Variants in PARD3B observed in about 807,000 individuals in gnomAD.
PARD3B encodes the protein par-3 family cell polarity regulator beta, also known as partitioning defective 3 homolog B.
A neutral mutation model predicts 130.2 loss-of-function variants in PARD3B; 103 were observed. That is an observed-to-expected ratio of 0.79 (90% CI 0.67 to 0.93). The LOEUF (loss-of-function observed/expected upper bound fraction) is 0.93, where lower values mean the gene tolerates loss of function less well. PARD3B is among the 40% of genes least tolerant of loss of function. The pLI, the probability that PARD3B is intolerant of heterozygous loss-of-function variation, is 0.00. For synonymous variants in PARD3B, 583 were observed against 553.2 expected (o/e 1.05, Z -0.76); for missense variants, 1,609 against 1,499.2 (o/e 1.07, Z -1.21).
At chr2:204,868,886 C>T (rs893476695) in intron 2 of PARD3B, among the ~76,000 whole-genome samples, 2 of 152,104 alleles carry the variant, frequency 1.3e-5, no homozygotes, top group Non-Finnish European at 2.9e-5. Context: ...GTAGAAAGAG[C>T]ATGCAACTTT....
At chr2:205,462,319 C>T (rs190415353) in intron 20 of PARD3B, among the ~76,000 whole-genome samples, 42 of 152,290 alleles carry the variant, frequency 2.8e-4, no homozygotes, top group African/African-American at 9.1e-4. Flanking sequence ...ATTGTTTATG[C>T]GCATGTTTGG....
rs777268314 is a variant in PARD3B at position 205,553,339 on chromosome 2, C to T, written c.3196C>T (p.Pro1066Ser). 3 of 1,613,894 alleles carry T rather than the reference C, an allele frequency of 1.9e-6. No individual in the cohort carries two copies. Among genetic ancestry groups the T allele is most frequent in the Non-Finnish European group, 2.5e-6 (3 of 1,179,860 alleles). ...YDLLWVPGRG[P>S]DGNAHNLRFE... ...CTCTCCACAGGTGCCTGGAAGGGGT[C>T]CAGATGGGAATGCACACAACCTCCG... is the stretch of plus-strand genomic sequence containing the variant. The change falls in exon 22 of 23, where the codon CCA (proline) becomes TCA (serine). Residue 1066 changes from proline to serine, a missense_variant. By Grantham distance (74) the Pro-to-Ser change is moderately conservative (BLOSUM62 -1). Coordinates refer to ENST00000406610, the MANE Select transcript of PARD3B (RefSeq NM_001302769.2).
intron 2 of PARD3B, among the ~76,000 whole-genome samples, chr2:204,928,326 A>G (rs953480323): frequency 2.4e-4 from 37 of 152,128 alleles, no homozygotes; most frequent in African/African-American, 8.0e-4. Flanking sequence ...CACAATATCA[A>G]TTCTATCACT....
chr2:205,305,281 T>C (rs1236814649), intron 18 of PARD3B, among the ~76,000 whole-genome samples: 1 of 152,176 alleles, frequency 6.6e-6, no homozygotes, highest in Non-Finnish European at 1.5e-5. Context: ...AAGTTCAGTT[T>C]GATTATGTGG....
intron 2 of PARD3B, among the ~76,000 whole-genome samples, chr2:204,736,766 T>C (rs2125352973): frequency 6.6e-6 from 1 of 152,364 alleles, no homozygotes; most frequent in Admixed American, 6.5e-5. Context: ...TTTCATAGAA[T>C]GACTTCTTTT....
chr2:204,765,405 G>T (rs562491927), intron 2 of PARD3B, among the ~76,000 whole-genome samples: 1 of 152,298 alleles, frequency 6.6e-6, no homozygotes, highest in South Asian at 2.1e-4. Flanking sequence ...ATCAGTGGAA[G>T]ACGTGGTGTT....
intron 19 of PARD3B, among the ~76,000 whole-genome samples, chr2:205,424,087 T>C (rs1197601326): frequency 6.6e-6 from 1 of 152,144 alleles, no homozygotes; most frequent in Non-Finnish European, 1.5e-5. Flanking sequence ...TTAAAAGTTT[T>C]TAAAAAAGAA....
intron 3 of PARD3B, among the ~76,000 whole-genome samples, chr2:205,042,402 A>G (rs1410988063): frequency 2.0e-5 from 3 of 152,204 alleles, no homozygotes; most frequent in South Asian, 2.1e-4. Context: ...AGGTCTGTAC[A>G]GTAAGTGAGT....
chr2:205,130,632 C>T (rs1322359491), intron 10 of PARD3B, among the ~76,000 whole-genome samples: 1 of 152,088 alleles, frequency 6.6e-6, no homozygotes, highest in Non-Finnish European at 1.5e-5. Flanking sequence ...GACCTGCTGC[C>T]TTATTTCTAA....
At chr2:204,681,638 G>A (rs1187309509) in intron 1 of PARD3B, among the ~76,000 whole-genome samples, 1 of 152,054 alleles carries the variant, frequency 6.6e-6, no homozygotes, top group Non-Finnish European at 1.5e-5. Context: ...CTTTGTTTGG[G>A]TGTCATTTTC....
intron 21 of PARD3B, among the ~76,000 whole-genome samples, chr2:205,539,055 G>T (rs1235256262): frequency 6.6e-6 from 1 of 152,054 alleles, no homozygotes; most frequent in Non-Finnish European, 1.5e-5. Flanking sequence ...CAACCACTAT[G>T]GCACACTGTG....
At chr2:204,598,111 C>T (rs2125102219) in intron 1 of PARD3B, among the ~76,000 whole-genome samples, 1 of 152,246 alleles carries the variant, frequency 6.6e-6, no homozygotes, top group South Asian at 2.1e-4. Context: ...TGACCTTCTG[C>T]TTTTGTCTCA....
chr2:205,147,537 G>A (rs114431741), intron 10 of PARD3B, among the ~76,000 whole-genome samples: 3,110 of 152,060 alleles, frequency 0.02, 56 homozygotes, highest in Non-Finnish European at 0.032. Context: ...TTGGTTTTTG[G>A]TAAGTTGAGT....
chr2:204,785,098 G>C (rs1382080052), intron 2 of PARD3B, among the ~76,000 whole-genome samples: 1 of 152,062 alleles, frequency 6.6e-6, no homozygotes, highest in Non-Finnish European at 1.5e-5. Context: ...CAGATAAACT[G>C]AAAGAATATA....
chr2:204,692,382 G>T (rs1288077023), intron 2 of PARD3B, among the ~76,000 whole-genome samples: 3 of 151,970 alleles, frequency 2.0e-5, no homozygotes, highest in Non-Finnish European at 4.4e-5. Flanking sequence ...CCTGTTTGCT[G>T]GCTGAAAGAT....
At chr2:204,814,136 C>T (rs2043060198) in intron 2 of PARD3B, among the ~76,000 whole-genome samples, 2 of 151,880 alleles carry the variant, frequency 1.3e-5, no homozygotes, top group South Asian at 2.1e-4. Context: ...CTTTAGTCTC[C>T]CTGAGAAATC....
intron 21 of PARD3B, among the ~76,000 whole-genome samples, chr2:205,514,184 CTT>C (rs2106377955): frequency 6.6e-6 from 1 of 152,246 alleles, no homozygotes; most frequent in East Asian, 1.9e-4. Flanking sequence ...TGTGTCACAA[CTT>C]ATTAGATGAT....
intron 2 of PARD3B, among the ~76,000 whole-genome samples, chr2:204,730,659 C>G (rs191457138): frequency 6.6e-6 from 1 of 151,800 alleles, no homozygotes; most frequent in Non-Finnish European, 1.5e-5. Flanking sequence ...CTGAAAAGCT[C>G]TCATCGGAGA....
chr2:204,627,125 G>T (rs777144339), intron 1 of PARD3B, among the ~76,000 whole-genome samples: 3 of 152,070 alleles, frequency 2.0e-5, no homozygotes, highest in Non-Finnish European at 2.9e-5. Context: ...AAGGCATTTG[G>T]TGCTTCTTTG....
Sources: allele counts gnomAD v4.1 joint callset (sites outside exome capture counted in the v4.1 genomes callset), GRCh38; gene constraint gnomAD v4.1.1; transcripts MANE v1.5; gene names NCBI Gene and HGNC (gene_info 2026-07-23, HGNC 2026-07-21).